Variants in HYDIN observed in about 807,000 individuals in gnomAD.
HYDIN encodes HYDIN axonemal central pair apparatus protein.
HYDIN carries 132 observed loss-of-function variants against 403.9 expected under a neutral mutation model. The observed-to-expected ratio is 0.33, with a 90% confidence interval of 0.28 to 0.38. The LOEUF (loss-of-function observed/expected upper bound fraction) is 0.38, where lower values mean the gene tolerates loss of function less well. HYDIN is among the 10% of genes least tolerant of loss of function. The pLI is 1.00. For missense variants in HYDIN, 2,827 were observed against 5,009.5 expected (o/e 0.56, Z 13.15); for synonymous variants, 1,202 against 1,891.7 (o/e 0.64, Z 9.46).
At chr16:71,194,314 G>A (rs912433363) in intron 1 of HYDIN, among the ~76,000 whole-genome samples, 12 of 152,198 alleles carry the variant, frequency 7.9e-5, no homozygotes, top group African/African-American at 2.9e-4. Context: ...AGGGGGCTGA[G>A]GCAGGAGAAT....
chr16:71,213,103 A>C (rs2088684242), intron 1 of HYDIN, among the ~76,000 whole-genome samples: 1 of 152,176 alleles, frequency 6.6e-6, no homozygotes, highest in South Asian at 2.1e-4. Context: ...CCCAAGAATA[A>C]GGGCAAATAA....
At chr16:71,064,966 T>A in intron 15 of HYDIN, 126 bp from the exon 16 acceptor site, 1 of 770,992 alleles carries the variant, frequency 1.3e-6, no homozygotes, top group Non-Finnish European at 2.0e-6. Flanking sequence ...ACCACATTAG[T>A]CACTTTCAAA....
intron 23 of HYDIN, among the ~76,000 whole-genome samples, chr16:70,996,515 G>A (rs1343482690): frequency 6.6e-6 from 1 of 152,048 alleles, no homozygotes; most frequent in African/African-American, 2.4e-5. Context: ...GGGCCTGGGG[G>A]CTGTGTTAGT....
intron 36 of HYDIN, among the ~76,000 whole-genome samples, chr16:70,966,954 G>A (rs558780422): frequency 9.7e-4 from 147 of 150,830 alleles, no homozygotes; most frequent in South Asian, 3.4e-3. Flanking sequence ...TAAAATACAA[G>A]TAGGAAATAT....
rs552045085 is a variant in HYDIN, at chr16:70,862,223, T to C, written c.11602A>G (p.Thr3868Ala). 133 of 1,613,446 alleles carry C rather than the reference T, an allele frequency of 8.2e-5. No individual in the cohort carries two copies. In the East Asian group the frequency reaches 2.8e-3, roughly 34 times the overall value. ...TCCAGGGTGCTGCCTGTATGCATCG[T>C]GCCCTGACTAAGCTGATCTTTTTGA... is the stretch of plus-strand genomic sequence containing the variant. The part of the protein sequence containing the change: ...SAQKDQLSQG[T>A]MHTGSTLDST... Residue 3868 changes from threonine (T) to alanine (A), a missense_variant, in exon 69 of 86, where the codon ACG becomes GCG. Transcript: ENST00000393567.
chr16:70,949,912 A>T (rs1014646307), intron 41 of HYDIN, among the ~76,000 whole-genome samples: 2 of 152,294 alleles, frequency 1.3e-5, no homozygotes, highest in Admixed American at 1.3e-4. Flanking sequence ...AACCCAAGGA[A>T]ATGAGTTTTG....
At chr16:71,186,979 A>AT (rs1267077236) in intron 1 of HYDIN, 61 bp from the exon 2 acceptor site, 31 of 1,106,742 alleles carry the variant, frequency 2.8e-5, no homozygotes, top group East Asian at 4.9e-5. Context: ...ACAGGTCATA[A>AT]TTTTTTTTAA....
chr16:71,156,240 C>G (rs371191306), intron 6 of HYDIN, among the ~76,000 whole-genome samples: 73 of 152,130 alleles, frequency 4.8e-4, no homozygotes, highest in African/African-American at 1.7e-3. Flanking sequence ...GTTACTTTGC[C>G]TTTGTGCTAA....
intron 50 of HYDIN, among the ~76,000 whole-genome samples, chr16:70,906,539 C>T (rs1412205731): frequency 6.6e-6 from 1 of 152,100 alleles, no homozygotes; most frequent in Non-Finnish European, 1.5e-5. Context: ...CCATTGATGG[C>T]CCTTCCCATC....
chr16:70,897,548 T>C (rs2076240361), intron 53 of HYDIN, among the ~76,000 whole-genome samples: 1 of 148,906 alleles, frequency 6.7e-6, no homozygotes, highest in Non-Finnish European at 1.5e-5. Context: ...ACAGGATGTG[T>C]GTAGTGCCTC....
At chr16:70,938,406 G>A (rs115744299) in intron 44 of HYDIN, among the ~76,000 whole-genome samples, 8,285 of 152,164 alleles carry the variant, frequency 0.054, 715 homozygotes, top group African/African-American at 0.19. Flanking sequence ...GAAATAAGGA[G>A]AGTGGGAGAA....
chr16:71,098,056 T>A (rs930409408), intron 10 of HYDIN, among the ~76,000 whole-genome samples: 1 of 152,166 alleles, frequency 6.6e-6, no homozygotes, highest in African/African-American at 2.4e-5. Context: ...CAAGCATTAC[T>A]TTGATTATAA....
rs552846417 is a variant in HYDIN at position 70,950,899 on chromosome 16, C to T, written c.6531+1522G>A. On this transcript the variant is annotated intron_variant, in intron 41 of 85. Coordinates refer to ENST00000393567, the MANE Select transcript of HYDIN (RefSeq NM_001270974.2). Reference sequence around the variant, plus strand: ...CCCTCTCCTCAATGATGACATTCTTCTCTCTCCACTCCTGAATGGGAGCCG... The same window carrying T: ...CCCTCTCCTCAATGATGACATTCTTTTCTCTCCACTCCTGAATGGGAGCCG... Among the ~76,000 whole-genome samples the T allele has an allele frequency of 2.6e-5, 4 of 152,296 alleles. No homozygotes were observed. In the East Asian group the frequency reaches 5.8e-4, roughly 22 times the overall value.
rs766530388 is a variant in HYDIN at position 71,178,962 on chromosome 16, T to C, written c.347A>G (p.Tyr116Cys). 1.2e-5 allele frequency: 20 copies of C among 1,612,174 alleles called. No individual in the cohort carries two copies. Among genetic ancestry groups the C allele is most frequent in the Admixed American group, 1.7e-5 (1 of 59,798 alleles). Residue 116 changes from tyrosine (Y) to cysteine (C), a missense_variant, in exon 4 of 86, where the codon TAT (tyrosine) becomes TGT (cysteine). Transcript: ENST00000393567. ...GTTCCTCAAAATCAGTGGAACTTCA[T>C]AGACTTCACAGGGAGTGTAGTTCTG... ...IFQNYTPCEV[Y>C]EVPLILRNND...
intron 35 of HYDIN, among the ~76,000 whole-genome samples, chr16:70,971,475 A>T (rs1053324732): frequency 6.6e-6 from 1 of 151,496 alleles, no homozygotes; most frequent in African/African-American, 2.4e-5. Flanking sequence ...AAACATGCAG[A>T]TCCTCAGATT....
At chr16:70,909,636 T>C (rs2143781694) in intron 47 of HYDIN, among the ~76,000 whole-genome samples, 1 of 147,050 alleles carries the variant, frequency 6.8e-6, no homozygotes, top group South Asian at 2.2e-4. Context: ...TTCCACACTA[T>C]CGTTCTGGCA....
chr16:71,139,095 G>GAAAAAAAAAAAAAAAAAAAAA, intron 7 of HYDIN, among the ~76,000 whole-genome samples: 1 of 103,814 alleles, frequency 9.6e-6, no homozygotes. Flanking sequence ...AAATAAAGAA[G>GAAAAAAAAAAAAAAAAAAAAA]AAAAAAAAAA....
chr16:70,863,234 G>C, intron 67 of HYDIN, 52 bp from the exon 68 acceptor site: 1 of 1,577,794 alleles, frequency 6.3e-7, no homozygotes, highest in Non-Finnish European at 8.6e-7. Context: ...GGTGGTTTTG[G>C]TCCTGGCTGC....
At chr16:70,865,475 G>A (rs111869759) in intron 67 of HYDIN, 30,608 of 408,186 alleles carry the variant, frequency 0.075, 1,255 homozygotes, top group African/African-American at 0.15. Flanking sequence ...TCTGAATGTG[G>A]GTGAAGGGTT....
Sources: gnomAD v4.1 joint callset for allele counts (sites outside exome capture counted in the v4.1 genomes callset) on GRCh38, gnomAD v4.1.1 for gene constraint, MANE v1.5 for transcripts, NCBI Gene and HGNC (gene_info 2026-07-23, HGNC 2026-07-21) for gene names.